The following VOPP1 variants were observed in gnomAD, a reference collection of about 807,000 sequenced individuals.
VOPP1 encodes WW domain binding protein VOPP1.
VOPP1 carries 8 observed loss-of-function variants against 23.5 expected under a neutral mutation model. That is an observed-to-expected ratio of 0.34 (90% confidence interval 0.20 to 0.61). VOPP1 has a LOEUF of 0.61. Among genes scored for constraint, VOPP1 ranks in the 20% least tolerant of loss-of-function variants. The pLI, the probability that VOPP1 is intolerant of heterozygous loss-of-function variation, is 0.78. For synonymous variants in VOPP1, 83 were observed against 97.3 expected (o/e 0.85, Z 0.86); for missense variants, 174 against 238.1 (o/e 0.73, Z 1.77).
chr7:55,569,479 A>T (rs1423732691), intron 1 of VOPP1, among the ~76,000 whole-genome samples: 2 of 152,210 alleles, frequency 1.3e-5, no homozygotes, highest in Non-Finnish European at 2.9e-5. Flanking sequence ...CGCAGACGGC[A>T]GAGGAAGCAG....
intron 1 of VOPP1, among the ~76,000 whole-genome samples, chr7:55,549,183 G>T (rs926047296): frequency 2.0e-5 from 3 of 152,186 alleles, no homozygotes; most frequent in African/African-American, 7.2e-5. Context: ...TTCGACAGGG[G>T]AGATAGGACC....
chr7:55,552,537 C>T (rs769374824), intron 1 of VOPP1: 2 of 1,502,042 alleles, frequency 1.3e-6, no homozygotes, highest in Non-Finnish European at 1.8e-6. Context: ...CCCAGCAACA[C>T]AAGCATGATT....
At chr7:55,505,443 G>A (rs1042031807) in intron 2 of VOPP1, among the ~76,000 whole-genome samples, 3 of 152,040 alleles carry the variant, frequency 2.0e-5, no homozygotes, top group Non-Finnish European at 4.4e-5. Flanking sequence ...CTAGGAGTGC[G>A]CAGAAAAGGA....
At chr7:55,556,638 C>A (rs1015872107) in intron 1 of VOPP1, among the ~76,000 whole-genome samples, 1 of 149,028 alleles carries the variant, frequency 6.7e-6, no homozygotes, top group East Asian at 2.0e-4. Context: ...CTGTTGGAAC[C>A]CCCCCCCAAA....
intron 1 of VOPP1, chr7:55,526,799 G>C (rs887200579): frequency 6.6e-6 from 1 of 152,210 alleles, no homozygotes; most frequent in African/African-American, 2.4e-5. Flanking sequence ...AGTCTGTCCC[G>C]GGCCAGAAGT....
At chr7:55,448,385 G>A (rs1305515175) in intron 4 of VOPP1, among the ~76,000 whole-genome samples, 1 of 152,186 alleles carries the variant, frequency 6.6e-6, no homozygotes, top group Non-Finnish European at 1.5e-5. Flanking sequence ...AATAATGGGA[G>A]TGCAATGAGA....
At position 55,491,524 on chromosome 7, in the gene VOPP1, C is replaced by T. The variant is rs139054840; in HGVS notation, c.328+758G>A. ...CTCACTCTACACCTGGCCAGAAGAC[C>T]AGCGCTCTGATGAGCCGAGCCAGCC... On this transcript the variant is annotated intron_variant, in intron 4 of 4. Coordinates refer to ENST00000285279, the MANE Select transcript of VOPP1 (RefSeq NM_030796.5). Among the ~76,000 whole-genome samples, 11 of 152,288 alleles carry T rather than the reference C, an allele frequency of 7.2e-5. No homozygotes were observed. In the East Asian group the frequency reaches 2.1e-3, roughly 29 times the overall value.
intron 4 of VOPP1, among the ~76,000 whole-genome samples, chr7:55,478,958 G>C (rs1217049128): frequency 1.3e-5 from 2 of 152,142 alleles, no homozygotes; most frequent in African/African-American, 2.4e-5. Context: ...AAGAGCTGAG[G>C]GGGGCAGCAG....
chr7:55,552,815 T>G, intron 1 of VOPP1: 6 of 1,462,946 alleles, frequency 4.1e-6, no homozygotes, highest in Non-Finnish European at 5.4e-6. Context: ...GCTGAGTCAC[T>G]CAGCCATGCT....
In VOPP1 at chr7:55,500,064, G is replaced by C. The variant is rs116614692; in HGVS notation, c.114-2374C>G. On this transcript the variant is annotated intron_variant, in intron 2 of 4. Coordinates refer to ENST00000285279, the MANE Select transcript of VOPP1 (RefSeq NM_030796.5). ...AAGAGGTGGGACCGTTTCCTCTCAC[G>C]AATGTGCAAAGACAGGCGTCCTCAG... Among the ~76,000 whole-genome samples the C allele has an allele frequency of 3.2e-3, 484 of 152,248 alleles. 2 individuals carry two copies. Among genetic ancestry groups the C allele is most frequent in the African/African-American group, 0.011 (442 of 41,560 alleles).
At chr7:55,477,451 A>ACACAC (rs1280168868) in intron 4 of VOPP1, among the ~76,000 whole-genome samples, 8 of 152,122 alleles carry the variant, frequency 5.3e-5, no homozygotes, top group African/African-American at 1.9e-4. Context: ...TTCTGATATG[A>ACACAC]CAGGAGTGAC....
intron 1 of VOPP1, among the ~76,000 whole-genome samples, chr7:55,522,892 G>A (rs1317166487): frequency 6.6e-6 from 1 of 152,240 alleles, no homozygotes; most frequent in African/African-American, 2.4e-5. Flanking sequence ...TACTCTGGCA[G>A]CACATCTCCA....
chr7:55,485,549 GTT>G (rs1254283952), intron 4 of VOPP1, among the ~76,000 whole-genome samples: 2 of 152,204 alleles, frequency 1.3e-5, no homozygotes, highest in Non-Finnish European at 2.9e-5. Context: ...CAGCACCCAC[GTT>G]TTTCTATGAG....
At chr7:55,474,191 CTGAG>C (rs996789603) in intron 4 of VOPP1, among the ~76,000 whole-genome samples, 1 of 152,254 alleles carries the variant, frequency 6.6e-6, no homozygotes, top group Non-Finnish European at 1.5e-5. Flanking sequence ...CAGACACCAC[CTGAG>C]TGAGATGCCG....
intron 4 of VOPP1, among the ~76,000 whole-genome samples, chr7:55,487,678 C>T (rs2129016563): frequency 6.6e-6 from 1 of 152,372 alleles, no homozygotes; most frequent in South Asian, 2.1e-4. Context: ...CCTAACTGCA[C>T]CTTGATGGTC....
intron 1 of VOPP1, among the ~76,000 whole-genome samples, chr7:55,525,618 T>A (rs1307013937): frequency 6.6e-6 from 1 of 152,074 alleles, no homozygotes; most frequent in African/African-American, 2.4e-5. Context: ...TGTCCCTAAT[T>A]GTGTCTTCTC....
chr7:55,503,214 G>A (rs976324131), intron 2 of VOPP1, among the ~76,000 whole-genome samples: 2 of 152,140 alleles, frequency 1.3e-5, no homozygotes, highest in African/African-American at 4.8e-5. Flanking sequence ...TAGGACCTGC[G>A]GTCCCTGGGA....
chr7:55,569,365 C>A (rs531913846), intron 1 of VOPP1, among the ~76,000 whole-genome samples: 1 of 152,310 alleles, frequency 6.6e-6, no homozygotes, highest in East Asian at 1.9e-4. Flanking sequence ...ATCACATGGT[C>A]TTTCTAAGGA....
chr7:55,451,761 A>C (rs889007711), intron 4 of VOPP1, among the ~76,000 whole-genome samples: 3 of 152,256 alleles, frequency 2.0e-5, no homozygotes, highest in Non-Finnish European at 4.4e-5. Context: ...GCTGCACTCC[A>C]GCCTGGGCGA....
Sources: gnomAD v4.1 joint callset for allele counts (sites outside exome capture counted in the v4.1 genomes callset) on GRCh38, gnomAD v4.1.1 for gene constraint, MANE v1.5 for transcripts, NCBI Gene and HGNC (gene_info 2026-07-23, HGNC 2026-07-21) for gene names.